Variants in CKM observed in about 807,000 individuals in gnomAD.
CKM encodes creatine kinase M-type.
Under a neutral mutation model 35.4 loss-of-function variants are expected in CKM, and 28 were observed. The observed-to-expected ratio is 0.79, with a 90% CI of 0.59 to 1.08. CKM has a LOEUF of 1.08. CKM is among the 50% of genes least tolerant of loss of function. The pLI, the probability that CKM is intolerant of heterozygous loss-of-function variation, is 0.00. For synonymous variants in CKM, 215 were observed against 204.4 expected (o/e 1.05, Z -0.44); for missense variants, 484 against 509.8 (o/e 0.95, Z 0.49).
At position 45,311,805 on chromosome 19, in the gene CKM, G is replaced by A. The variant is rs1472488136; in HGVS notation, c.597C>T (p.Ser199=). The change falls in exon 5 of 8, where the codon TCC becomes TCT. Residue 199 remains serine (S), a synonymous_variant. Coordinates refer to ENST00000221476, the MANE Select transcript of CKM (RefSeq NM_001824.5). ...DDHFLFDKPV[S]PLLLASGMAR... ...CCATGCCTGAGGCCAGCAGCAGCGG[G>A]GACACGGGCTTGTCGAACAGGAAGT... The A allele has an allele frequency of 3.7e-6, 6 of 1,610,520 alleles. No individual in the cohort carries two copies. Among genetic ancestry groups the A allele is most frequent in the Non-Finnish European group, 4.2e-6 (5 of 1,178,528 alleles).
intron 5 of CKM, among the ~76,000 whole-genome samples, chr19:45,309,514 C>A (rs559806117): frequency 1.2e-3 from 175 of 149,270 alleles, no homozygotes; most frequent in African/African-American, 4.3e-3. Flanking sequence ...TATGATCCCA[C>A]CACTGCACTC....
chr19:45,312,821 G>A (rs1445593177), intron 4 of CKM, among the ~76,000 whole-genome samples: 1 of 151,714 alleles, frequency 6.6e-6, no homozygotes, highest in Non-Finnish European at 1.5e-5. Context: ...GGCCATGGTG[G>A]CACACGCCTG....
Position 45,307,513 on chromosome 19 carries a change from G to T in CKM, c.915C>A (p.His305Gln), listed in dbSNP as rs1435096869. ...VHVKLAHLSK[H>Q]PKFEEILTRL... Reference sequence around the variant, plus strand: ...GGGTGAGGATCTCCTCGAACTTGGGGTGCTTGCTCAGGTGCGCCAGCTTCA... The same window carrying T: ...GGGTGAGGATCTCCTCGAACTTGGGTTGCTTGCTCAGGTGCGCCAGCTTCA... The change falls in exon 7 of 8, where the codon CAC becomes CAA. Residue 305 changes from histidine (H) to glutamine (Q), a missense_variant. Physicochemically the swap from His to Gln is conservative, Grantham distance 24. Coordinates refer to ENST00000221476, the MANE Select transcript of CKM (RefSeq NM_001824.5). The T allele has an allele frequency of 1.2e-6, 2 of 1,614,024 alleles. No individual in the cohort carries two copies. The highest frequency in any genetic ancestry group is 1.7e-5 in the Admixed American group (1 of 60,006).
chr19:45,313,889 T>G (rs897430546), intron 4 of CKM, among the ~76,000 whole-genome samples: 1 of 151,934 alleles, frequency 6.6e-6, no homozygotes, highest in Non-Finnish European at 1.5e-5. Flanking sequence ...GGCCAGGCAC[T>G]GTGGCTCACA....
At chr19:45,308,348 G>A (rs983834736) in intron 6 of CKM, 61 bp downstream of exon 6, 68 of 1,608,704 alleles carry the variant, frequency 4.2e-5, no homozygotes, top group Non-Finnish European at 5.4e-5. Flanking sequence ...GCGGGGCCTC[G>A]GAAAGCAGGT....
intron 1 of CKM, among the ~76,000 whole-genome samples, chr19:45,321,076 G>GTTTTTTTTTTTTTTTT (rs1180664675): frequency 7.6e-6 from 1 of 130,926 alleles, no homozygotes. Flanking sequence ...TTTTTTTTTG[G>GTTTTTTTTTTTTTTTT]TATTTTTAGT....
chr19:45,315,580 G>A lies in CKM; in HGVS notation c.366C>T (p.Asp122=), dbSNP rs1214903109. Reference sequence around the variant, plus strand: ...CGCGGCTGCTGAGCACGTAGTTAGGGTCCAGGTCGTCTCCACCCTGGAGAG... The same window carrying A: ...CGCGGCTGCTGAGCACGTAGTTAGGATCCAGGTCGTCTCCACCCTGGAGAG... The part of the protein sequence containing the change: ...HENLKGGDDL[D]PNYVLSSRVR... Residue 122 remains aspartate (D), a synonymous_variant, in exon 4 of 8, where the codon GAC becomes GAT. Transcript: ENST00000221476. 2 of 1,603,868 alleles carry A rather than the reference G, an allele frequency of 1.2e-6. No individual in the cohort carries two copies. The highest frequency in any genetic ancestry group is 1.7e-6 in the Non-Finnish European group (2 of 1,179,966).
chr19:45,312,783 G>A (rs1331391965), intron 4 of CKM, among the ~76,000 whole-genome samples: 3 of 151,622 alleles, frequency 2.0e-5, no homozygotes, highest in Non-Finnish European at 2.9e-5. Context: ...GTGAAACCCC[G>A]TCTCCACTAA....
chr19:45,319,774 A>G, intron 1 of CKM, 43 bp from the exon 2 acceptor site: 2 of 1,481,102 alleles, frequency 1.4e-6, no homozygotes, highest in Non-Finnish European at 1.9e-6. Flanking sequence ...ATTAGCTGGC[A>G]TCTTTTTTCT....
chr19:45,311,466 T>TC (rs983432959), intron 5 of CKM, among the ~76,000 whole-genome samples: 7 of 148,868 alleles, frequency 4.7e-5, no homozygotes, highest in African/African-American at 1.7e-4. Context: ...CCTCAAGTGA[T>TC]CCCCCCGCCT....
intron 5 of CKM, among the ~76,000 whole-genome samples, chr19:45,310,805 C>T (rs1267737039): frequency 1.7e-5 from 2 of 119,806 alleles, no homozygotes; most frequent in African/African-American, 6.7e-5. Flanking sequence ...ACGGAGTCTC[C>T]TGTCGCCCAG....
chr19:45,316,055 C>T (rs575392108), intron 3 of CKM, among the ~76,000 whole-genome samples: 48 of 151,892 alleles, frequency 3.2e-4, no homozygotes, highest in African/African-American at 1.1e-3. Context: ...AGGGGCTGGG[C>T]GCGGTGGCTC....
intron 2 of CKM, 23 bp downstream of exon 2, chr19:45,319,498 A>G: frequency 6.3e-7 from 1 of 1,599,904 alleles, no homozygotes; most frequent in African/African-American, 1.3e-5. Flanking sequence ...TAGCCCCTTC[A>G]GTGCTCCACT....
chr19:45,314,169 A>G (rs1295841687), intron 4 of CKM, among the ~76,000 whole-genome samples: 4 of 149,498 alleles, frequency 2.7e-5, no homozygotes, highest in African/African-American at 9.8e-5. Flanking sequence ...GGAAGAAAAG[A>G]AAGGAAAGGA....
intron 4 of CKM, among the ~76,000 whole-genome samples, chr19:45,312,318 A>G (rs969030631): frequency 9.9e-5 from 15 of 152,224 alleles, no homozygotes; most frequent in African/African-American, 3.4e-4. Context: ...AGCCAGGTGC[A>G]CTGGCACGAG....
In CKM at chr19:45,306,864, C is replaced by T. The variant is rs767224509; in HGVS notation, c.1032G>A (p.Ser344=). 4 of 1,614,208 alleles carry T rather than the reference C, an allele frequency of 2.5e-6. No homozygotes were observed. The highest frequency in any genetic ancestry group is 3.3e-5 in the Admixed American group (2 of 60,028). Reference sequence around the variant, plus strand: ...CCAGCTGCACCTGTTCTACTTCGGACGAGCCCAGCCGATCAGCGTTGGACA... The same window carrying T: ...CCAGCTGCACCTGTTCTACTTCGGATGAGCCCAGCCGATCAGCGTTGGACA... The part of the protein sequence containing the change: ...FDVSNADRLG[S]SEVEQVQLVV... Residue 344 remains serine (S), a synonymous_variant, in exon 8 of 8, where the codon TCG becomes TCA. Transcript: ENST00000221476. This position sits in a 1 kb window ranked among gnomAD's most constrained non-coding sequence, Gnocchi z 4.5.
Position 45,306,476 on chromosome 19 carries a change from T to A in CKM, c.*274A>T. 1 of 529,148 alleles carries A rather than the reference T, an allele frequency of 1.9e-6. No homozygotes were observed. The highest frequency in any genetic ancestry group is 3.2e-5 in the East Asian group (1 of 31,182). 32.8% of individuals were successfully genotyped at this position (529,148 alleles called of 1,614,324 possible). On this transcript the variant is annotated 3_prime_UTR_variant, in exon 8 of 8. Transcript: ENST00000221476. This position sits in a 1 kb window ranked among gnomAD's most constrained non-coding sequence, Gnocchi z 4.5. ...GACAAAGCACAAGCTCCGAGTGTGC[T>A]GGGAGCTCTCCATTAACTAGAGCTC...
intron 3 of CKM, 97 bp from the exon 4 acceptor site, chr19:45,315,694 T>C (rs759307744): frequency 6.7e-7 from 1 of 1,491,642 alleles, no homozygotes; most frequent in Non-Finnish European, 9.1e-7. Context: ...TCCCTGTTGC[T>C]TCCTTTGCCT....
At chr19:45,318,227 G>A (rs563044312) in intron 2 of CKM, among the ~76,000 whole-genome samples, 7 of 152,220 alleles carry the variant, frequency 4.6e-5, no homozygotes, top group Non-Finnish European at 2.9e-5. Context: ...GGCCAACAGG[G>A]TGAAACCCCA....
Sources: allele counts gnomAD v4.1 joint callset (sites outside exome capture counted in the v4.1 genomes callset), GRCh38; gene constraint gnomAD v4.1.1; non-coding constraint Gnocchi (gnomAD v3.1); transcripts MANE v1.5; gene names NCBI Gene and HGNC (gene_info 2026-07-23, HGNC 2026-07-21).